Variants in PCDH9 observed in about 807,000 individuals in gnomAD.
PCDH9 encodes the protein protocadherin 9.
PCDH9 carries 24 observed loss-of-function variants against 70.6 expected under a neutral mutation model. The observed-to-expected ratio is 0.34, with a 90% CI of 0.25 to 0.48. The LOEUF is 0.48. Ranked by LOEUF, PCDH9 falls within the 20% of genes least tolerant of loss-of-function variation. The pLI is 0.99. For missense variants in PCDH9, 1,281 were observed against 1,503.6 expected (o/e 0.85, Z 2.45); for synonymous variants, 562 against 558.5 (o/e 1.01, Z -0.09).
intron 2 of PCDH9, among the ~76,000 whole-genome samples, chr13:66,956,465 T>C (rs780036436): frequency 1.3e-5 from 2 of 152,056 alleles, no homozygotes; most frequent in African/African-American, 4.8e-5. Flanking sequence ...AAGTAGGAAT[T>C]TGGCCAGGTG....
At position 67,034,672 on chromosome 13, in the gene PCDH9, CT is replaced by C. The variant is rs35194684; in HGVS notation, c.3037-131068del. ...TGCTAGAAAGTCCTTCCATTTCTTT[CT>C]TTTTTTTTTTTTTAACTTTTAGTTC... is the stretch of plus-strand genomic sequence containing the variant. On this transcript the variant is annotated intron_variant, in intron 2 of 4. Transcript: ENST00000377865. 2.9e-3 allele frequency among the ~76,000 whole-genome samples: 422 copies of C among 143,692 alleles called. 2 individuals are homozygous for C. The highest frequency in any genetic ancestry group is 4.4e-3 in the African/African-American group (173 of 39,022). 94.3% of individuals were successfully genotyped at this position (143,692 alleles called of 152,430 possible).
chr13:66,610,486 T>A (rs1418495510), intron 4 of PCDH9, among the ~76,000 whole-genome samples: 3 of 152,176 alleles, frequency 2.0e-5, no homozygotes, highest in South Asian at 4.1e-4. Flanking sequence ...TAGCAAGATA[T>A]AAAATTGATA....
intron 3 of PCDH9, among the ~76,000 whole-genome samples, chr13:66,788,303 C>T (rs2080110556): frequency 6.6e-6 from 1 of 152,080 alleles, no homozygotes; most frequent in Admixed American, 6.6e-5. Context: ...TCTCAAAAGG[C>T]CTCGCCTCCC....
At chr13:66,828,810 A>AAAAAAAATAAAAAATAATAAT (rs71207607) in intron 3 of PCDH9, among the ~76,000 whole-genome samples, 3 of 148,608 alleles carry the variant, frequency 2.0e-5, no homozygotes, top group African/African-American at 7.4e-5. Context: ...GCCATACATA[A>AAAAAAAATAAAAAATAATAAT]AATAATAATA....
At chr13:66,479,953 A>G (rs557151905) in intron 4 of PCDH9, among the ~76,000 whole-genome samples, 90 of 152,278 alleles carry the variant, frequency 5.9e-4, no homozygotes, top group Middle Eastern at 3.4e-3. Flanking sequence ...ATGGTGTGGA[A>G]GCTTTGTTCT....
intron 4 of PCDH9, among the ~76,000 whole-genome samples, chr13:66,457,876 C>A (rs906146114): frequency 6.6e-6 from 1 of 151,886 alleles, no homozygotes; most frequent in South Asian, 2.1e-4. Flanking sequence ...AATCTAGATA[C>A]ATGTTAATCA....
At chr13:67,189,363 C>A (rs570746745) in intron 2 of PCDH9, among the ~76,000 whole-genome samples, 5 of 151,572 alleles carry the variant, frequency 3.3e-5, no homozygotes, top group Non-Finnish European at 7.4e-5. Flanking sequence ...TATTGTGCAC[C>A]AATTATATGA....
chr13:67,031,380 T>C (rs1042007723), intron 2 of PCDH9, among the ~76,000 whole-genome samples: 3 of 152,182 alleles, frequency 2.0e-5, no homozygotes, highest in Non-Finnish European at 2.9e-5. Flanking sequence ...ACACCTGTCT[T>C]TCCAAAATGT....
chr13:66,373,302 G>A (rs1486521950), intron 4 of PCDH9, among the ~76,000 whole-genome samples: 1 of 151,894 alleles, frequency 6.6e-6, no homozygotes, highest in Admixed American at 6.6e-5. Context: ...TACAAAAACA[G>A]AAAGTAGAAT....
intron 3 of PCDH9, among the ~76,000 whole-genome samples, chr13:66,632,859 T>A (rs2077589455): frequency 6.6e-6 from 1 of 151,900 alleles, no homozygotes; most frequent in Non-Finnish European, 1.5e-5. Flanking sequence ...TGAATGTATA[T>A]ATTAAAAAAT....
chr13:67,140,458 T>C (rs1417036535), intron 2 of PCDH9, among the ~76,000 whole-genome samples: 3 of 152,198 alleles, frequency 2.0e-5, no homozygotes, highest in Admixed American at 2.0e-4. Flanking sequence ...TAATGACAAG[T>C]ACATACAAAT....
At chr13:66,516,272 A>G (rs1959731249) in intron 4 of PCDH9, among the ~76,000 whole-genome samples, 1 of 152,012 alleles carries the variant, frequency 6.6e-6, no homozygotes, top group Admixed American at 6.6e-5. Flanking sequence ...TCACGTATAT[A>G]GTAGTTCAAG....
At chr13:67,155,264 C>T (rs1296737622) in intron 2 of PCDH9, among the ~76,000 whole-genome samples, 1 of 152,162 alleles carries the variant, frequency 6.6e-6, no homozygotes. Context: ...TCAGGTTTTT[C>T]AGAGATATTT....
intron 2 of PCDH9, among the ~76,000 whole-genome samples, chr13:67,032,224 G>T (rs1299041033): frequency 6.6e-6 from 1 of 152,110 alleles, no homozygotes; most frequent in Non-Finnish European, 1.5e-5. Context: ...GCTCACTGTA[G>T]CCTACACTTC....
intron 3 of PCDH9, among the ~76,000 whole-genome samples, chr13:66,673,470 C>T (rs2078204506): frequency 6.6e-6 from 1 of 152,000 alleles, no homozygotes; most frequent in Non-Finnish European, 1.5e-5. Flanking sequence ...TACATTGGGA[C>T]ACAGAGACAG....
chr13:66,408,050 C>CTTTTTT (rs34109335), intron 4 of PCDH9, among the ~76,000 whole-genome samples: 2 of 132,260 alleles, frequency 1.5e-5, no homozygotes, highest in African/African-American at 2.7e-5. Context: ...GCAGGGATCA[C>CTTTTTT]TTTTTTTTTT....
At chr13:66,927,529 C>T (rs765920071) in intron 2 of PCDH9, among the ~76,000 whole-genome samples, 49 of 151,984 alleles carry the variant, frequency 3.2e-4, no homozygotes, top group Non-Finnish European at 6.5e-4. Flanking sequence ...TGCACGTGGA[C>T]CTCTGAACCT....
chr13:67,008,238 TG>T (rs961072103), intron 2 of PCDH9, among the ~76,000 whole-genome samples: 16 of 152,088 alleles, frequency 1.1e-4, no homozygotes, highest in Non-Finnish European at 7.4e-5. Context: ...TCAAAGTTAC[TG>T]GAGAGTAAAA....
chr13:66,454,502 C>T (rs965332759), intron 4 of PCDH9, among the ~76,000 whole-genome samples: 35 of 152,298 alleles, frequency 2.3e-4, no homozygotes, highest in Middle Eastern at 3.4e-3. Context: ...GAGGAGAGAA[C>T]TAGCCTCTCT....
Sources: allele counts gnomAD v4.1 joint callset (sites outside exome capture counted in the v4.1 genomes callset), GRCh38; gene constraint gnomAD v4.1.1; transcripts MANE v1.5; gene names NCBI Gene and HGNC (gene_info 2026-07-23, HGNC 2026-07-21).